Variants in DOK5 observed in about 807,000 individuals in gnomAD.
DOK5 encodes the protein downstream of tyrosine kinase 5.
Under a neutral mutation model 43.3 loss-of-function variants are expected in DOK5, and 27 were observed. The observed-to-expected ratio is 0.62, with a 90% confidence interval of 0.46 to 0.86. The LOEUF (loss-of-function observed/expected upper bound fraction) is 0.86. Among genes scored for constraint, DOK5 ranks in the 40% least tolerant of loss-of-function variants. The pLI is 0.00. For synonymous variants in DOK5, 146 were observed against 140.1 expected (o/e 1.04, Z -0.30); for missense variants, 373 against 392.9 (o/e 0.95, Z 0.43).
chr20:54,604,070 C>T (rs1986388482), intron 5 of DOK5, among the ~76,000 whole-genome samples: 1 of 151,240 alleles, frequency 6.6e-6, no homozygotes, highest in East Asian at 1.9e-4. Context: ...CCTCAGCCTC[C>T]CGAGTAGCTG....
chr20:54,588,377 G>A (rs1451075647), intron 2 of DOK5, 106 bp from the exon 3 acceptor site: 20 of 841,468 alleles, frequency 2.4e-5, no homozygotes, highest in South Asian at 4.5e-5. Flanking sequence ...AACAGGTTGT[G>A]CTCAGCTGTG....
rs377534433 is a variant in DOK5 at position 54,610,528 on chromosome 20, G to A, written c.735+5G>A. The A allele has an allele frequency of 1.6e-5, 24 of 1,484,472 alleles. No individual in the cohort carries two copies. The highest frequency in any genetic ancestry group is 2.4e-5 in the East Asian group (1 of 40,888). The allele number at this position is 1,484,472 out of a possible 1,614,324, so 92.0% of individuals were successfully genotyped here. On this transcript the variant is annotated splice_donor_5th_base_variant and intron_variant, in intron 6 of 7. Transcript: ENST00000262593. ...CAGAGTGTGAAAAACTCGATGGTAC[G>A]TTTGGAATTTCTTCCTCGTGTCCCA...
At chr20:54,488,944 G>C (rs183570083) in intron 1 of DOK5, among the ~76,000 whole-genome samples, 13 of 152,242 alleles carry the variant, frequency 8.5e-5, no homozygotes, top group Admixed American at 4.6e-4. Context: ...TGTATCCCCA[G>C]GTCGTAGTCC....
intron 2 of DOK5, among the ~76,000 whole-genome samples, chr20:54,585,024 G>C (rs1348828143): frequency 6.6e-6 from 1 of 152,050 alleles, no homozygotes; most frequent in Non-Finnish European, 1.5e-5. Flanking sequence ...GCAAAATTTA[G>C]TTATCATAAG....
At chr20:54,568,798 C>G (rs971270938) in intron 2 of DOK5, among the ~76,000 whole-genome samples, 1 of 151,700 alleles carries the variant, frequency 6.6e-6, no homozygotes, top group African/African-American at 2.4e-5. Context: ...GGTGTGGTGG[C>G]GGGCGCCTGT....
intron 6 of DOK5, among the ~76,000 whole-genome samples, chr20:54,621,421 G>T (rs1986973237): frequency 6.6e-6 from 1 of 152,234 alleles, no homozygotes; most frequent in South Asian, 2.1e-4. Flanking sequence ...GCTGGGTGCG[G>T]TGGCTCACGC....
Position 54,475,772 on chromosome 20 carries a change from G to A in DOK5, c.-175G>A. The A allele has an allele frequency of 1.3e-6, 1 of 768,660 alleles. No individual in the cohort carries two copies. The highest frequency in any genetic ancestry group is 2.1e-6 in the Non-Finnish European group (1 of 478,702). The allele number at this position is 768,660 out of a possible 1,614,324, so 47.6% of individuals were successfully genotyped here. A position where few individuals can be genotyped will look rare whatever the true frequency, so the allele number is the denominator to read the frequency against. On this transcript the variant is annotated 5_prime_UTR_variant, in exon 1 of 8. Coordinates refer to ENST00000262593, the MANE Select transcript of DOK5 (RefSeq NM_018431.5). The surrounding 1 kb of genome is among the most constrained non-coding windows in gnomAD (Gnocchi z 4.2). Reference sequence around the variant, plus strand: ...AAGCCGGCCGCCCACTGTCAGGGTTGGGGGGACAGAGAAAGTGATGTGCGC... The same window carrying A: ...AAGCCGGCCGCCCACTGTCAGGGTTAGGGGGACAGAGAAAGTGATGTGCGC...
In DOK5 at chr20:54,643,556, G is replaced by C. The variant is rs774180929; in HGVS notation, c.834G>C (p.Thr278=). 3 of 1,613,070 alleles carry C rather than the reference G, an allele frequency of 1.9e-6. No individual in the cohort carries two copies. Among genetic ancestry groups the C allele is most frequent in the African/African-American group, 1.3e-5 (1 of 75,040 alleles). ...YWQHITRQHS[T]GQLYRLQDVS... ...AGCACATCACACGGCAGCACAGCACGGGACAGCTCTACCGCTTGCAAGGTA... is the reference window on the plus strand; with the variant it reads ...AGCACATCACACGGCAGCACAGCACCGGACAGCTCTACCGCTTGCAAGGTA... Residue 278 remains threonine, a synonymous_variant, in exon 7 of 8, where the codon ACG becomes ACC. Transcript: ENST00000262593.
At chr20:54,525,770 T>A (rs1482011601) in intron 1 of DOK5, among the ~76,000 whole-genome samples, 1 of 152,192 alleles carries the variant, frequency 6.6e-6, no homozygotes, top group African/African-American at 2.4e-5. Flanking sequence ...GATGAAAAAA[T>A]TTTTGTGGTT....
Position 54,638,071 on chromosome 20 carries a change from G to A in DOK5, c.736-5387G>A, listed in dbSNP as rs62214454. On this transcript the variant is annotated intron_variant, in intron 6 of 7. Coordinates refer to ENST00000262593, the MANE Select transcript of DOK5 (RefSeq NM_018431.5). The stretch of plus-strand genomic sequence containing the variant: ...CGGGAGGCGGAGCTTGCAGTGAGCC[G>A]AGATCATGTCACTGCATTCCAGCCT... Among the ~76,000 whole-genome samples, 983 of 149,262 alleles carry A rather than the reference G, an allele frequency of 6.6e-3. 5 individuals carry two copies. Among genetic ancestry groups the A allele is most frequent in the Non-Finnish European group, 0.011 (755 of 67,746 alleles).
chr20:54,569,431 A>T (rs1448814226), intron 2 of DOK5, among the ~76,000 whole-genome samples: 1 of 152,204 alleles, frequency 6.6e-6, no homozygotes, highest in Non-Finnish European at 1.5e-5. Context: ...AATCTGTTTA[A>T]GCATACCCAA....
Position 54,634,956 on chromosome 20 carries a change from A to C in DOK5, c.736-8502A>C, listed in dbSNP as rs1282942501. ...CCTCCTTTAGCTATCACCCCTGGAT[A>C]CCAAAAATAAAATTCTAAGCTCTTC... On this transcript the variant is annotated intron_variant, in intron 6 of 7. Transcript: ENST00000262593. Among the ~76,000 whole-genome samples, 3 of 152,280 alleles carry C rather than the reference A, an allele frequency of 2.0e-5. No individual in the cohort carries two copies. In the East Asian group the frequency reaches 5.8e-4, roughly 29 times the overall value.
chr20:54,649,531 C>T (rs1979600835), intron 7 of DOK5, among the ~76,000 whole-genome samples: 1 of 152,226 alleles, frequency 6.6e-6, no homozygotes, highest in African/African-American at 2.4e-5. Flanking sequence ...CACATTTACT[C>T]ACCAAGGCTG....
chr20:54,485,102 C>T (rs1405936467), intron 1 of DOK5, among the ~76,000 whole-genome samples: 1 of 152,234 alleles, frequency 6.6e-6, no homozygotes, highest in East Asian at 1.9e-4. Flanking sequence ...GAGGCCGAGG[C>T]GGGCAGATCA....
intron 5 of DOK5, among the ~76,000 whole-genome samples, chr20:54,595,168 C>T (rs1340758624): frequency 6.6e-6 from 1 of 152,056 alleles, no homozygotes; most frequent in Non-Finnish European, 1.5e-5. Flanking sequence ...GGTGAAACCC[C>T]ATCTCTACTA....
chr20:54,484,604 G>C (rs1981853751), intron 1 of DOK5, among the ~76,000 whole-genome samples: 2 of 152,174 alleles, frequency 1.3e-5, no homozygotes, highest in African/African-American at 4.8e-5. Flanking sequence ...ATCCCCTGGA[G>C]GATCCTTCAC....
At chr20:54,562,263 A>G (rs186433602) in intron 2 of DOK5, among the ~76,000 whole-genome samples, 1 of 152,268 alleles carries the variant, frequency 6.6e-6, no homozygotes, top group Non-Finnish European at 1.5e-5. Flanking sequence ...CTAGTATTGC[A>G]TAGTAGAAAT....
rs746902095 is a variant in DOK5 at position 54,588,716 on chromosome 20, C to T, written c.319C>T (p.Leu107Phe). 6.8e-5 allele frequency: 110 copies of T among 1,613,996 alleles called. No individual in the cohort carries two copies. Among genetic ancestry groups the T allele is most frequent in the Non-Finnish European group, 8.6e-5 (102 of 1,179,996 alleles). The change falls in exon 4 of 8, where the codon CTC (leucine) becomes TTC (phenylalanine). Residue 107 changes from leucine (L) to phenylalanine (F), a missense_variant. Leu to Phe is a conservative substitution (Grantham distance 22). Coordinates refer to ENST00000262593, the MANE Select transcript of DOK5 (RefSeq NM_018431.5). The stretch of plus-strand genomic sequence containing the variant: ...TGAGGCTGATGAGTGGTGCAAAGTA[C>T]TCCAGATGGAGTGTGTAGGAACACG... Reference protein sequence around the residue: ...DLEADEWCKVLQMECVGTRIN... With the variant: ...DLEADEWCKVFQMECVGTRIN...
chr20:54,617,269 T>C (rs1231299924), intron 6 of DOK5, among the ~76,000 whole-genome samples: 1 of 152,228 alleles, frequency 6.6e-6, no homozygotes, highest in East Asian at 1.9e-4. Flanking sequence ...CACAATCCTA[T>C]GTATCACAAT....
Sources: gnomAD v4.1 joint callset for allele counts (sites outside exome capture counted in the v4.1 genomes callset) on GRCh38, gnomAD v4.1.1 for gene constraint, Gnocchi (gnomAD v3.1) non-coding constraint, MANE v1.5 for transcripts, NCBI Gene and HGNC (gene_info 2026-07-23, HGNC 2026-07-21) for gene names.